LDLRAD3: variants seen among roughly 807,000 people sequenced by gnomAD.
LDLRAD3 encodes the protein low density lipoprotein receptor class A domain containing 3.
A neutral mutation model predicts 29.4 loss-of-function variants in LDLRAD3; 20 were observed. The ratio of observed to expected loss-of-function variants is 0.68; its 90% CI spans 0.48 to 0.99. LDLRAD3 has a LOEUF of 0.99. LDLRAD3 is among the 50% of genes least tolerant of loss of function. The probability of loss-of-function intolerance (pLI) is 0.00; values close to 1 mark genes in which losing one functional copy is unlikely to be tolerated. For missense variants in LDLRAD3, 420 were observed against 454.3 expected, an observed-to-expected ratio of 0.92 and a Z score of 0.69; for synonymous variants, 157 against 192.7, an observed-to-expected ratio of 0.81 and a Z score of 1.53.
In LDLRAD3 at chr11:36,143,163, C is replaced by T. The variant is rs746777124; in HGVS notation, c.454+44702C>T. 3.9e-5 allele frequency among the ~76,000 whole-genome samples: 6 copies of T among 152,268 alleles called. No individual in the cohort carries two copies. The South Asian group carries it at 6.2e-4, about 16-fold the overall frequency. Reference sequence around the variant, plus strand: ...TCTGGGAAAGCATTTTGCCTGGGGTCACCTAGGAGTGATCAGAACCAGCAT... The same window carrying T: ...TCTGGGAAAGCATTTTGCCTGGGGTTACCTAGGAGTGATCAGAACCAGCAT... On this transcript the variant is annotated intron_variant, in intron 4 of 5. Transcript: ENST00000315571.
intron 4 of LDLRAD3, among the ~76,000 whole-genome samples, chr11:36,221,628 T>C (rs12575540): frequency 0.067 from 10,239 of 152,128 alleles, 454 homozygotes; most frequent in East Asian, 0.2. Flanking sequence ...TAGCAAGACC[T>C]TATGTCTAAA....
At chr11:36,187,123 A>G (rs987439558) in intron 4 of LDLRAD3, among the ~76,000 whole-genome samples, 3 of 151,782 alleles carry the variant, frequency 2.0e-5, no homozygotes, top group Admixed American at 1.3e-4. Flanking sequence ...TTGGCTTCCT[A>G]TTACCTTTAC....
chr11:36,180,376 G>A (rs1854741565), intron 4 of LDLRAD3, among the ~76,000 whole-genome samples: 1 of 152,050 alleles, frequency 6.6e-6, no homozygotes, highest in South Asian at 2.1e-4. Context: ...GGCAGATTCT[G>A]TCTTAGAGAC....
At chr11:36,150,758 A>T (rs1156262384) in intron 4 of LDLRAD3, among the ~76,000 whole-genome samples, 1 of 147,814 alleles carries the variant, frequency 6.8e-6, no homozygotes, top group Non-Finnish European at 1.5e-5. Flanking sequence ...CTGTTTCAAA[A>T]AAATAAATAA....
chr11:36,087,135 C>G lies in LDLRAD3; in HGVS notation c.319+5357C>G, dbSNP rs140097694. On this transcript the variant is annotated intron_variant, in intron 3 of 5. Coordinates refer to ENST00000315571, the MANE Select transcript of LDLRAD3 (RefSeq NM_174902.4). ...ACCCAGTTTCATTCATAAATAAACTCTAAGAAAAAAAAACAGAGGAAAAGG... is the reference window on the plus strand; with the variant it reads ...ACCCAGTTTCATTCATAAATAAACTGTAAGAAAAAAAAACAGAGGAAAAGG... Among the ~76,000 whole-genome samples, 391 of 150,950 alleles carry G rather than the reference C, an allele frequency of 2.6e-3. 1 individual carries two copies. Among genetic ancestry groups the G allele is most frequent in the African/African-American group, 7.9e-3 (323 of 41,138 alleles).
At chr11:36,181,771 T>G (rs1372496410) in intron 4 of LDLRAD3, among the ~76,000 whole-genome samples, 1 of 152,214 alleles carries the variant, frequency 6.6e-6, no homozygotes, top group Admixed American at 6.5e-5. Flanking sequence ...AGGTCCTCAA[T>G]TACTAATGGT....
intron 1 of LDLRAD3, chr11:35,967,413 T>A: frequency 3.3e-6 from 1 of 303,064 alleles, no homozygotes; most frequent in Non-Finnish European, 6.3e-6. Flanking sequence ...ATGGGTAATG[T>A]CCTTACTCCT....
chr11:36,070,719 G>A (rs1852886146), intron 2 of LDLRAD3, among the ~76,000 whole-genome samples: 1 of 152,182 alleles, frequency 6.6e-6, no homozygotes, highest in African/African-American at 2.4e-5. Context: ...CCCTAGGGGA[G>A]AGACTCAGGA....
At chr11:36,211,958 G>A (rs1590359993) in intron 4 of LDLRAD3, among the ~76,000 whole-genome samples, 1 of 152,144 alleles carries the variant, frequency 6.6e-6, no homozygotes, top group South Asian at 2.1e-4. Context: ...CTTATTACTG[G>A]ACCAGAAACC....
At chr11:35,963,451 C>T (rs1304706983) in intron 1 of LDLRAD3, among the ~76,000 whole-genome samples, 4 of 149,626 alleles carry the variant, frequency 2.7e-5, no homozygotes, top group African/African-American at 4.9e-5. Context: ...TTTTTTAACA[C>T]GTTGTTACAT....
At chr11:36,190,779 T>C (rs1437614876) in intron 4 of LDLRAD3, among the ~76,000 whole-genome samples, 1 of 152,122 alleles carries the variant, frequency 6.6e-6, no homozygotes, top group Non-Finnish European at 1.5e-5. Context: ...CATTATGAAA[T>C]TTCAGAACAT....
chr11:36,170,308 A>T lies in LDLRAD3; in HGVS notation c.455-56777A>T, dbSNP rs549335369. 1.0e-4 allele frequency among the ~76,000 whole-genome samples: 9 copies of T among 86,628 alleles called. No individual in the cohort carries two copies. In the East Asian group the frequency reaches 2.2e-3, roughly 22 times the overall value. The allele number at this position is 86,628 out of a possible 152,430, so 56.8% of individuals were successfully genotyped here. On this transcript the variant is annotated intron_variant, in intron 4 of 5. Coordinates refer to ENST00000315571, the MANE Select transcript of LDLRAD3 (RefSeq NM_174902.4). Reference sequence around the variant, plus strand: ...CATATATACACACATATATATACATATATACGTATATATGTATATATGTAC... The same window carrying T: ...CATATATACACACATATATATACATTTATACGTATATATGTATATATGTAC...
intron 4 of LDLRAD3, among the ~76,000 whole-genome samples, chr11:36,103,902 G>A (rs1853487716): frequency 1.3e-5 from 2 of 152,196 alleles, no homozygotes; most frequent in African/African-American, 4.8e-5. Context: ...TGGTATTCAG[G>A]TGTATATATG....
At chr11:36,046,015 T>C (rs1027260713) in intron 2 of LDLRAD3, among the ~76,000 whole-genome samples, 4 of 151,884 alleles carry the variant, frequency 2.6e-5, no homozygotes, top group Non-Finnish European at 4.4e-5. Flanking sequence ...TCCCTGTGTC[T>C]ATGCATACCC....
Position 36,215,498 on chromosome 11 carries a change from G to T in LDLRAD3, c.455-11587G>T, listed in dbSNP as rs376552413. ...GGCACCAGGACTGGGGATTGGTTGA[G>T]GCTGGTGTGCAGAGTCCCGTTTGGC... On this transcript the variant is annotated intron_variant, in intron 4 of 5. Transcript: ENST00000315571. Among the ~76,000 whole-genome samples the T allele has an allele frequency of 1.5e-4, 23 of 152,314 alleles. No individual in the cohort carries two copies. In the East Asian group the frequency reaches 3.9e-3, roughly 26 times the overall value.
At chr11:35,961,000 C>A (rs1159540349) in intron 1 of LDLRAD3, among the ~76,000 whole-genome samples, 1 of 152,192 alleles carries the variant, frequency 6.6e-6, no homozygotes, top group Non-Finnish European at 1.5e-5. Context: ...GGATGGGGAA[C>A]CCCAAGGCCA....
In LDLRAD3 at chr11:36,114,609, C is replaced by A. The variant is rs560859736; in HGVS notation, c.454+16148C>A. Reference sequence around the variant, plus strand: ...CCAATTTGCATCTGGAGGAGACCTCCAAGGACAGATGCCTTGTCCTCATTA... The same window carrying A: ...CCAATTTGCATCTGGAGGAGACCTCAAAGGACAGATGCCTTGTCCTCATTA... On this transcript the variant is annotated intron_variant, in intron 4 of 5. Coordinates refer to ENST00000315571, the MANE Select transcript of LDLRAD3 (RefSeq NM_174902.4). Among the ~76,000 whole-genome samples the A allele has an allele frequency of 3.9e-5, 6 of 152,334 alleles. No individual in the cohort carries two copies. The East Asian group carries it at 9.6e-4, about 24-fold the overall frequency.
At chr11:36,202,044 CTT>C (rs11336380) in intron 4 of LDLRAD3, among the ~76,000 whole-genome samples, 54 of 136,568 alleles carry the variant, frequency 4.0e-4, no homozygotes, top group African/African-American at 1.3e-3. Context: ...CTGGGGACAT[CTT>C]TTTTTTTTTT....
intron 4 of LDLRAD3, among the ~76,000 whole-genome samples, chr11:36,178,557 G>T (rs569897357): frequency 1.3e-5 from 2 of 152,132 alleles, no homozygotes; most frequent in South Asian, 2.1e-4. Flanking sequence ...ATTCAGAGCC[G>T]TGCATTTGAG....
Sources: gnomAD v4.1 joint callset for allele counts (sites outside exome capture counted in the v4.1 genomes callset) on GRCh38, gnomAD v4.1.1 for gene constraint, MANE v1.5 for transcripts, NCBI Gene and HGNC (gene_info 2026-07-23, HGNC 2026-07-21) for gene names.